The following RASAL2 variants were observed in gnomAD, a reference collection of about 807,000 sequenced individuals.
RASAL2 encodes the protein ras GTPase-activating protein nGAP.
A neutral mutation model predicts 128.9 loss-of-function variants in RASAL2; 58 were observed. The observed-to-expected ratio is 0.45, with a 90% confidence interval of 0.36 to 0.56. The LOEUF is 0.56. RASAL2 is among the 20% of genes least tolerant of loss of function. The pLI is 0.00. For missense variants in RASAL2, 1,360 were observed against 1,601.6 expected (o/e 0.85, Z 2.57); for synonymous variants, 561 against 580.8 (o/e 0.97, Z 0.49).
At chr1:178,136,159 A>T (rs1441807144) in intron 1 of RASAL2, among the ~76,000 whole-genome samples, 4 of 152,234 alleles carry the variant, frequency 2.6e-5, no homozygotes, top group Non-Finnish European at 5.9e-5. Flanking sequence ...TTTTCAGTTC[A>T]TAGATTTTTA....
intron 1 of RASAL2, among the ~76,000 whole-genome samples, chr1:178,200,558 C>T (rs974048410): frequency 6.6e-6 from 1 of 152,178 alleles, no homozygotes; most frequent in Non-Finnish European, 1.5e-5. Context: ...AGCCTCAAAT[C>T]TGTTAAGATT....
chr1:178,287,959 C>T (rs1357503260), intron 2 of RASAL2, among the ~76,000 whole-genome samples: 1 of 152,056 alleles, frequency 6.6e-6, no homozygotes. Flanking sequence ...AAACACCACC[C>T]ATTCCCCCAA....
intron 1 of RASAL2, among the ~76,000 whole-genome samples, chr1:178,264,588 A>G (rs180741565): frequency 1.3e-5 from 2 of 152,196 alleles, no homozygotes; most frequent in Non-Finnish European, 2.9e-5. Context: ...CCAAAAGGAT[A>G]TCATAGAGGA....
chr1:178,460,042 T>A (rs1396119483), intron 14 of RASAL2, among the ~76,000 whole-genome samples: 2 of 152,236 alleles, frequency 1.3e-5, no homozygotes, highest in Non-Finnish European at 2.9e-5. Context: ...TAGATTCTAG[T>A]TGCGATCAAC....
At chr1:178,236,268 A>G (rs1358282189) in intron 1 of RASAL2, among the ~76,000 whole-genome samples, 1 of 152,196 alleles carries the variant, frequency 6.6e-6, no homozygotes, top group Non-Finnish European at 1.5e-5. Flanking sequence ...ACCCCAACCT[A>G]TAATAGAATT....
At chr1:178,322,109 A>G (rs917827353) in intron 3 of RASAL2, among the ~76,000 whole-genome samples, 22 of 152,020 alleles carry the variant, frequency 1.4e-4, no homozygotes, top group Admixed American at 1.4e-3. Flanking sequence ...CTGGGAATAC[A>G]GGTACAAGCC....
chr1:178,315,746 T>A (rs1443767808), intron 3 of RASAL2, among the ~76,000 whole-genome samples: 1 of 144,990 alleles, frequency 6.9e-6, no homozygotes. Context: ...AGGTTGCCTG[T>A]TCACTCTGAT....
chr1:178,440,410 A>C (rs1676555722), intron 6 of RASAL2, among the ~76,000 whole-genome samples: 1 of 152,096 alleles, frequency 6.6e-6, no homozygotes, highest in Non-Finnish European at 1.5e-5. Context: ...CATGTTCACT[A>C]TCAGAGAAAT....
chr1:178,155,340 A>T (rs1159349759), intron 1 of RASAL2, among the ~76,000 whole-genome samples: 2 of 151,864 alleles, frequency 1.3e-5, no homozygotes, highest in African/African-American at 4.8e-5. Context: ...TAAAATTTTT[A>T]AATTATTTAT....
chr1:178,422,349 T>C (rs1572045695), intron 5 of RASAL2, among the ~76,000 whole-genome samples: 1 of 152,082 alleles, frequency 6.6e-6, no homozygotes, highest in Non-Finnish European at 1.5e-5. Context: ...TTTGTGACTT[T>C]TATAATGTTA....
At chr1:178,153,560 C>G (rs1050901464) in intron 1 of RASAL2, among the ~76,000 whole-genome samples, 3 of 152,128 alleles carry the variant, frequency 2.0e-5, no homozygotes, top group Admixed American at 1.3e-4. Context: ...CGGAATCATA[C>G]AATATGTGTT....
At chr1:178,112,436 A>G (rs1558059575) in intron 1 of RASAL2, among the ~76,000 whole-genome samples, 1 of 151,868 alleles carries the variant, frequency 6.6e-6, no homozygotes, top group Admixed American at 6.6e-5. Context: ...TGTAATCTCA[A>G]CTACTCAGGA....
intron 1 of RASAL2, among the ~76,000 whole-genome samples, chr1:178,246,115 T>G (rs1462759479): frequency 6.6e-6 from 1 of 152,188 alleles, no homozygotes; most frequent in Non-Finnish European, 1.5e-5. Flanking sequence ...AAGTCAGTGG[T>G]AACTTGATAG....
chr1:178,290,745 G>A lies in RASAL2; in HGVS notation c.330+7054G>A, dbSNP rs61813814. Reference sequence around the variant, plus strand: ...GGCTGAAGTGCGGTGGTGCGATCTCGGCTCGCTGCAAGCTCCGCCTCCTGG... The same window carrying A: ...GGCTGAAGTGCGGTGGTGCGATCTCAGCTCGCTGCAAGCTCCGCCTCCTGG... On this transcript the variant is annotated intron_variant, in intron 2 of 17. Transcript: ENST00000367649. Among the ~76,000 whole-genome samples, 703 of 151,860 alleles carry A rather than the reference G, an allele frequency of 4.6e-3. 1 individual carries two copies. The highest frequency in any genetic ancestry group is 0.02 in the Middle Eastern group (6 of 294).
chr1:178,382,476 C>A (rs1364804314), intron 3 of RASAL2, among the ~76,000 whole-genome samples: 1 of 151,768 alleles, frequency 6.6e-6, no homozygotes, highest in African/African-American at 2.4e-5. Flanking sequence ...TTTTTTTCTC[C>A]ATTGCAGCCC....
chr1:178,134,856 T>C (rs1006134521), intron 1 of RASAL2, among the ~76,000 whole-genome samples: 1 of 152,232 alleles, frequency 6.6e-6, no homozygotes, highest in African/African-American at 2.4e-5. Flanking sequence ...AGAAGCAGAC[T>C]GATCAAGAAC....
At chr1:178,170,772 C>T (rs1041463335) in intron 1 of RASAL2, among the ~76,000 whole-genome samples, 1 of 151,708 alleles carries the variant, frequency 6.6e-6, no homozygotes, top group Non-Finnish European at 1.5e-5. Flanking sequence ...TATTCATCAG[C>T]AATTCAACAT....
chr1:178,222,211 G>T (rs577047852), intron 1 of RASAL2, among the ~76,000 whole-genome samples: 1 of 152,122 alleles, frequency 6.6e-6, no homozygotes, highest in African/African-American at 2.4e-5. Context: ...TTTTTAAATT[G>T]GATTTAGATT....
Position 178,448,438 on chromosome 1 carries a change from T to C in RASAL2, c.1627+2776T>C, listed in dbSNP as rs1350237829. On this transcript the variant is annotated intron_variant, in intron 9 of 17. Coordinates refer to ENST00000367649, the MANE Select transcript of RASAL2 (RefSeq NM_170692.4). ...GTGTTTACATGAAGCAGACACATTA[T>C]AGTAGCTACTACAATTAGTTTCTGC... Among the ~76,000 whole-genome samples, 3 of 152,230 alleles carry C rather than the reference T, an allele frequency of 2.0e-5. No individual in the cohort carries two copies. The South Asian group carries it at 6.2e-4, about 31-fold the overall frequency.
Sources: gnomAD v4.1 joint callset for allele counts (sites outside exome capture counted in the v4.1 genomes callset) on GRCh38, gnomAD v4.1.1 for gene constraint, MANE v1.5 for transcripts, NCBI Gene and HGNC (gene_info 2026-07-23, HGNC 2026-07-21) for gene names.